RANBP2: variants seen among roughly 807,000 people sequenced by gnomAD.
RANBP2 encodes the protein RAN binding protein 2.
Under a neutral mutation model 303.6 loss-of-function variants are expected in RANBP2, and 57 were observed. The ratio of observed to expected loss-of-function variants is 0.19; its 90% CI spans 0.15 to 0.23. RANBP2 has a LOEUF of 0.23. RANBP2 is among the 10% of genes least tolerant of loss of function. The pLI, the probability that RANBP2 is intolerant of heterozygous loss-of-function variation, is 1.00. For missense variants in RANBP2, 3,138 were observed against 3,780.8 expected (o/e 0.83, Z 4.46); for synonymous variants, 1,167 against 1,301.5 (o/e 0.90, Z 2.23).
the RANBP2 span, among the ~76,000 whole-genome samples, chr2:108,933,571 G>A: frequency 6.6e-6 from 1 of 152,168 alleles, no homozygotes; most frequent in African/African-American, 2.4e-5. Context: ...GGAAGGAAGA[G>A]TTCTGTTTCC....
At chr2:108,814,636 TTTTG>T in the RANBP2 span, among the ~76,000 whole-genome samples, 1 of 151,494 alleles carries the variant, frequency 6.6e-6, no homozygotes, top group Non-Finnish European at 1.5e-5. Flanking sequence ...CTTTGAATTT[TTTTG>T]TTTTTTTATT....
the RANBP2 span, among the ~76,000 whole-genome samples, chr2:109,487,161 A>G: frequency 1.3e-5 from 2 of 152,216 alleles, no homozygotes; most frequent in Non-Finnish European, 2.9e-5. Context: ...TCCCAGGAGA[A>G]ACCCAGCAAA....
the RANBP2 span, among the ~76,000 whole-genome samples, chr2:109,575,763 TATA>T: frequency 4.0e-3 from 615 of 152,364 alleles, 6 homozygotes; most frequent in African/African-American, 0.014. Context: ...TTTCTAGCCC[TATA>T]ATGAACCAGT....
the RANBP2 span, among the ~76,000 whole-genome samples, chr2:109,132,632 T>C: frequency 2.6e-5 from 4 of 152,232 alleles, no homozygotes; most frequent in South Asian, 4.1e-4. Flanking sequence ...AAATACTATA[T>C]GTGTGTTGCT....
chr2:109,298,653 G>A, the RANBP2 span, among the ~76,000 whole-genome samples: 8 of 152,048 alleles, frequency 5.3e-5, no homozygotes, highest in East Asian at 3.9e-4. Flanking sequence ...CACCCGTTCC[G>A]TGCTCCCTCT....
At chr2:109,642,442 T>C in the RANBP2 span, among the ~76,000 whole-genome samples, 12 of 152,170 alleles carry the variant, frequency 7.9e-5, no homozygotes, top group Non-Finnish European at 1.6e-4. Flanking sequence ...AGGAAAGTCA[T>C]GTGCACATAG....
chr2:109,714,831 A>G, the RANBP2 span, among the ~76,000 whole-genome samples: 1 of 151,584 alleles, frequency 6.6e-6, no homozygotes, highest in African/African-American at 2.4e-5. Flanking sequence ...ACTGGTCTCA[A>G]ACTCCTGACC....
Position 108,783,796 on chromosome 2 carries a change from G to A in RANBP2, c.9570G>A (p.Gly3190=). The change falls in exon 29 of 29, where the codon GGG becomes GGA. Residue 3190 remains glycine (G), a synonymous_variant. Coordinates refer to ENST00000283195, the MANE Select transcript of RANBP2 (RefSeq NM_006267.5). ...EHLDFKHVVF[G]FVKDGMDTVK... ...TGGACTTTAAGCATGTAGTATTTGG[G>A]TTTGTTAAGGATGGCATGGATACTG... 6.2e-7 allele frequency: 1 copy of A among 1,612,060 alleles called. No individual in the cohort carries two copies. Among genetic ancestry groups the A allele is most frequent in the South Asian group, 1.1e-5 (1 of 91,044 alleles).
the RANBP2 span, among the ~76,000 whole-genome samples, chr2:109,777,437 G>C: frequency 7.2e-6 from 1 of 138,028 alleles, no homozygotes; most frequent in Non-Finnish European, 1.6e-5. Flanking sequence ...ATGTCACTTG[G>C]TTATGGTATA....
chr2:108,991,227 T>C, the RANBP2 span, among the ~76,000 whole-genome samples: 1 of 152,312 alleles, frequency 6.6e-6, no homozygotes, highest in East Asian at 1.9e-4. Flanking sequence ...CATATCCAAA[T>C]GAAAATGAGT....
the RANBP2 span, among the ~76,000 whole-genome samples, chr2:109,025,177 G>A: frequency 2.0e-5 from 3 of 152,216 alleles, no homozygotes; most frequent in Non-Finnish European, 4.4e-5. Flanking sequence ...TGTATGTAGT[G>A]TGTATTAGAA....
At chr2:109,794,609 G>GGCGGCGGCGGCGGCGGCA in the RANBP2 span, 1 of 106,844 alleles carries the variant, frequency 9.4e-6, no homozygotes, top group South Asian at 4.4e-4. Context: ...CGGCGGCGGC[G>GGCGGCGGCGGCGGCGGCA]GGGGGGGCGG....
rs542711340 is a variant in RANBP2 at position 108,763,293 on chromosome 2, G to T, written c.2754G>T (p.Pro918=). 2 of 1,613,792 alleles carry T rather than the reference G, an allele frequency of 1.2e-6. No individual in the cohort carries two copies. The highest frequency in any genetic ancestry group is 1.7e-5 in the Admixed American group (1 of 59,982). ...CCCAACAGCATATTTATGCCTATCCGCAACAGATGCACACACCGCCAGTGC... is the reference window on the plus strand; with the variant it reads ...CCCAACAGCATATTTATGCCTATCCTCAACAGATGCACACACCGCCAGTGC... ...LPPQQHIYAY[P]QQMHTPPVQS... Residue 918 remains proline (P), a synonymous_variant, in exon 20 of 29, where the codon CCG becomes CCT. Coordinates refer to ENST00000283195, the MANE Select transcript of RANBP2 (RefSeq NM_006267.5).
chr2:108,736,367 T>C lies in RANBP2; in HGVS notation c.782+118T>C, dbSNP rs961846481. Reference sequence around the variant, plus strand: ...ATTTGTATAATGTACCTAGGAGTTATAGTTAATACAGTGAACAACTAGGAG... The same window carrying C: ...ATTTGTATAATGTACCTAGGAGTTACAGTTAATACAGTGAACAACTAGGAG... On this transcript the variant is annotated intron_variant, in intron 6 of 28. Transcript: ENST00000283195. 5.1e-6 allele frequency: 8 copies of C among 1,582,420 alleles called. No individual in the cohort carries two copies. The African/African-American group carries it at 8.1e-5, about 16-fold the overall frequency.
At chr2:109,349,683 G>GA in the RANBP2 span, among the ~76,000 whole-genome samples, 1 of 152,214 alleles carries the variant, frequency 6.6e-6, no homozygotes, top group Non-Finnish European at 1.5e-5. Flanking sequence ...CCTCCTCCAG[G>GA]GGCCTCACAG....
At chr2:109,482,427 C>T in the RANBP2 span, among the ~76,000 whole-genome samples, 5 of 152,192 alleles carry the variant, frequency 3.3e-5, no homozygotes, top group African/African-American at 9.7e-5. Context: ...CCAAAGCTGT[C>T]GCAGCATCAC....
chr2:109,636,237 G>A, the RANBP2 span, among the ~76,000 whole-genome samples: 5 of 152,192 alleles, frequency 3.3e-5, no homozygotes, highest in Non-Finnish European at 5.9e-5. Context: ...AGCCCAAATA[G>A]ACTAGGACAT....
the RANBP2 span, among the ~76,000 whole-genome samples, chr2:108,949,867 C>T: frequency 2.6e-5 from 4 of 152,214 alleles, no homozygotes; most frequent in East Asian, 5.8e-4. Context: ...GGAAAATAAC[C>T]TCCGAGTAAT....
rs1811335 is a variant in RANBP2, at chr2:108,754,797, C to T, written c.2203-108C>T. On this transcript the variant is annotated intron_variant, in intron 15 of 28. Transcript: ENST00000283195. ...GTGTATTATTTAAAGTGTAAAGTGC[C>T]TATTAAAGTGGCAAAAATGTAAATA... The T allele has an allele frequency of 5.2e-6, 8 of 1,549,260 alleles. No homozygotes were observed. The East Asian group carries it at 6.8e-5, about 13-fold the overall frequency.
Sources: gnomAD v4.1 joint callset for allele counts (sites outside exome capture counted in the v4.1 genomes callset) on GRCh38, gnomAD v4.1.1 for gene constraint, MANE v1.5 for transcripts, NCBI Gene and HGNC (gene_info 2026-07-23, HGNC 2026-07-21) for gene names.